FRMPD4: variants seen among roughly 807,000 people sequenced by gnomAD.
The protein encoded by FRMPD4 is FERM and PDZ domain containing 4.
In FRMPD4, 22 loss-of-function variants were observed where a neutral mutation model predicts 94.1. The observed-to-expected ratio is 0.23, with a 90% confidence interval of 0.17 to 0.33. The LOEUF (loss-of-function observed/expected upper bound fraction) is 0.33. Ranked by LOEUF, FRMPD4 falls within the 10% of genes least tolerant of loss-of-function variation. The pLI is 1.00. For synonymous variants in FRMPD4, 631 were observed against 548.6 expected, an observed-to-expected ratio of 1.15 and a Z score of -2.10; for missense variants, 1,111 against 1,339.9, an observed-to-expected ratio of 0.83 and a Z score of 2.67.
chrX:12,499,436 G>A (rs1432824620), intron 2 of FRMPD4, among the ~76,000 whole-genome samples: 2 of 111,930 alleles, frequency 1.8e-5, no homozygotes, highest in Non-Finnish European at 3.8e-5. Flanking sequence ...CATCCACAAT[G>A]TTGTGCAACC....
At chrX:12,046,180 C>T (rs1372686298) in intron 3 of FRMPD4, among the ~76,000 whole-genome samples, 1 of 110,512 alleles carries the variant, frequency 9.0e-6, no homozygotes, top group Non-Finnish European at 1.9e-5. Context: ...TTCCATTTAC[C>T]AAAATTGACC....
rs370538815 is a variant in FRMPD4, at chrX:11,929,113, G to T, written c.95+51095G>T. Among the ~76,000 whole-genome samples the T allele has an allele frequency of 2.0e-4, 22 of 112,239 alleles. 2 individuals are homozygous for T. Among genetic ancestry groups the T allele is most frequent in the Admixed American group, 1.5e-3 (16 of 10,636 alleles). On this transcript the variant is annotated intron_variant, in intron 3 of 18. Transcript: ENST00000640291. ...GCTGGGGACTGTCAGAGGGTGGAGC[G>T]TGGGAGGAAGGAGAGGATCAGGAAA...
intron 1 of FRMPD4, among the ~76,000 whole-genome samples, chrX:12,284,459 C>T (rs569953169): frequency 9.0e-6 from 1 of 111,437 alleles, no homozygotes; most frequent in Non-Finnish European, 1.9e-5. Context: ...GATGTGTTTG[C>T]GGAAGTGTAA....
At chrX:12,404,143 A>C (rs2056640456) in intron 1 of FRMPD4, among the ~76,000 whole-genome samples, 1 of 112,308 alleles carries the variant, frequency 8.9e-6, no homozygotes, top group Non-Finnish European at 1.9e-5. Context: ...CCTAAATTAC[A>C]AGAATGTTGA....
intron 3 of FRMPD4, among the ~76,000 whole-genome samples, chrX:12,114,371 G>A (rs749711418): frequency 7.2e-5 from 8 of 111,283 alleles, no homozygotes; most frequent in Non-Finnish European, 1.1e-4. Flanking sequence ...TCTCATGACT[G>A]GCATCAAATA....
intron 1 of FRMPD4, among the ~76,000 whole-genome samples, chrX:12,150,906 G>A (rs1198072637): frequency 9.0e-6 from 1 of 111,118 alleles, no homozygotes; most frequent in Non-Finnish European, 1.9e-5. Flanking sequence ...CCTATGATCA[G>A]GTATTTTGCA....
intron 4 of FRMPD4, among the ~76,000 whole-genome samples, chrX:12,663,638 C>T (rs762359002): frequency 1.5e-4 from 17 of 111,224 alleles, no homozygotes; most frequent in African/African-American, 5.2e-4. Context: ...GGTAGCATGA[C>T]GCCTCCAGCT....
chrX:11,987,835 AATTACTTTGTGGCT>A (rs1161731385), intron 3 of FRMPD4, among the ~76,000 whole-genome samples: 1 of 111,352 alleles, frequency 9.0e-6, no homozygotes, highest in African/African-American at 3.3e-5. Context: ...CCACAAAGAA[AATTACTTTGTGGCT>A]ATTACAAATA....
intron 1 of FRMPD4, among the ~76,000 whole-genome samples, chrX:11,855,912 C>A (rs2053650887): frequency 8.9e-6 from 1 of 111,996 alleles, no homozygotes; most frequent in Non-Finnish European, 1.9e-5. Context: ...CAGCACCCCA[C>A]TCTCTGCAGT....
chrX:12,556,436 A>C (rs1211259220), intron 2 of FRMPD4, among the ~76,000 whole-genome samples: 2 of 110,987 alleles, frequency 1.8e-5, no homozygotes, highest in Non-Finnish European at 3.8e-5. Context: ...AGGGGGGTGG[A>C]CTCTAAGAGC....
chrX:12,350,055 C>G (rs2055777837), intron 1 of FRMPD4, among the ~76,000 whole-genome samples: 1 of 111,246 alleles, frequency 9.0e-6, no homozygotes, highest in Non-Finnish European at 1.9e-5. Flanking sequence ...TTAATAGACC[C>G]TGTCTAAAAT....
At chrX:12,420,190 G>C (rs1427451466) in intron 1 of FRMPD4, among the ~76,000 whole-genome samples, 1 of 111,400 alleles carries the variant, frequency 9.0e-6, no homozygotes, top group Non-Finnish European at 1.9e-5. Context: ...AACCATTCTT[G>C]ACTCTTTCCT....
chrX:12,460,038 TGCTTAGTAATACTGA>T (rs2057376117), intron 1 of FRMPD4, among the ~76,000 whole-genome samples: 1 of 112,142 alleles, frequency 8.9e-6, no homozygotes, highest in South Asian at 3.7e-4. Context: ...TGCATTTCCC[TGCTTAGTAATACTGA>T]GCATCTTTAA....
At chrX:12,390,988 C>T (rs1342617673) in intron 1 of FRMPD4, among the ~76,000 whole-genome samples, 5 of 112,007 alleles carry the variant, frequency 4.5e-5, no homozygotes, top group African/African-American at 1.6e-4. Flanking sequence ...GCAGGTACTT[C>T]ATAGAGTCAG....
intron 8 of FRMPD4, 96 bp downstream of exon 8, chrX:12,690,422 T>C: frequency 1.4e-6 from 1 of 729,701 alleles, no homozygotes; most frequent in Non-Finnish European, 2.0e-6. Context: ...TGTAAATGTA[T>C]TAATTGTATC....
chrX:12,589,530 G>A (rs2058962970), intron 2 of FRMPD4, among the ~76,000 whole-genome samples: 1 of 111,629 alleles, frequency 9.0e-6, no homozygotes, highest in Non-Finnish European at 1.9e-5. Context: ...AAAAATATTA[G>A]CAATTATATT....
At chrX:11,929,963 C>G (rs1281250262) in intron 3 of FRMPD4, among the ~76,000 whole-genome samples, 1 of 107,708 alleles carries the variant, frequency 9.3e-6, no homozygotes, top group East Asian at 2.9e-4. Context: ...CAAAAATTAG[C>G]CAGGTTTGGT....
At chrX:12,638,056 A>G (rs2059458790) in intron 4 of FRMPD4, among the ~76,000 whole-genome samples, 3 of 111,715 alleles carry the variant, frequency 2.7e-5, no homozygotes, top group Non-Finnish European at 5.6e-5. Flanking sequence ...CCATTCTTCT[A>G]TTGTTTAACG....
At chrX:11,898,873 G>A (rs1002083200) in intron 3 of FRMPD4, among the ~76,000 whole-genome samples, 1 of 111,402 alleles carries the variant, frequency 9.0e-6, no homozygotes, top group Non-Finnish European at 1.9e-5. Flanking sequence ...TCCAAGGTTT[G>A]GGCCTGAATA....
Sources: allele counts gnomAD v4.1 joint callset (sites outside exome capture counted in the v4.1 genomes callset), GRCh38; gene constraint gnomAD v4.1.1; transcripts MANE v1.5; gene names NCBI Gene and HGNC (gene_info 2026-07-23, HGNC 2026-07-21).